The following ALK variants were observed in gnomAD, a reference collection of about 807,000 sequenced individuals.
ALK encodes ALK tyrosine kinase receptor.
A neutral mutation model predicts 163.1 loss-of-function variants in ALK; 74 were observed. The ratio of observed to expected loss-of-function variants is 0.45; its 90% CI spans 0.38 to 0.55. The LOEUF is 0.55. Among genes scored for constraint, ALK ranks in the 20% least tolerant of loss-of-function variants. ALK has a pLI of 0.00. For missense variants in ALK, 2,063 were observed against 2,105.3 expected (o/e 0.98, Z 0.39); for synonymous variants, 960 against 843.2 (o/e 1.14, Z -2.40).
rs554507874 is a variant in ALK, at chr2:29,793,303, C to T, written c.668-75606G>A. Among the ~76,000 whole-genome samples, 4 of 152,242 alleles carry T rather than the reference C, an allele frequency of 2.6e-5. No homozygotes were observed. In the South Asian group the frequency reaches 8.3e-4, roughly 32 times the overall value. ...CTAATTCTAGTTCTCTTGCTATTTC[C>T]ATCACATCTCCAATTGCTGCCTCCA... On this transcript the variant is annotated intron_variant, in intron 1 of 28. Coordinates refer to ENST00000389048, the MANE Select transcript of ALK (RefSeq NM_004304.5).
intron 5 of ALK, among the ~76,000 whole-genome samples, chr2:29,331,019 T>G (rs967437765): frequency 6.6e-6 from 1 of 152,128 alleles, no homozygotes; most frequent in Non-Finnish European, 1.5e-5. Context: ...GAATGAACAC[T>G]CCATCGAAAC....
At chr2:29,527,686 T>C (rs965087116) in intron 4 of ALK, among the ~76,000 whole-genome samples, 2 of 151,896 alleles carry the variant, frequency 1.3e-5, no homozygotes, top group Non-Finnish European at 2.9e-5. Context: ...TAAAAATATA[T>C]TTTTTTTGTA....
chr2:29,825,771 A>T (rs1325893096), intron 1 of ALK, among the ~76,000 whole-genome samples: 1 of 152,164 alleles, frequency 6.6e-6, no homozygotes, highest in African/African-American at 2.4e-5. Flanking sequence ...AAAAGAAACA[A>T]AGAGGCCAGT....
intron 5 of ALK, among the ~76,000 whole-genome samples, chr2:29,371,927 G>T (rs1336444803): frequency 6.6e-6 from 1 of 152,218 alleles, no homozygotes; most frequent in Non-Finnish European, 1.5e-5. Flanking sequence ...GCAAAGAAGA[G>T]TAAAGCCACC....
intron 3 of ALK, among the ~76,000 whole-genome samples, chr2:29,605,149 AC>A (rs1675505382): frequency 6.6e-6 from 1 of 152,104 alleles, no homozygotes; most frequent in African/African-American, 2.4e-5. Flanking sequence ...TTTTCCACGG[AC>A]AGGGGGGTGG....
intron 4 of ALK, among the ~76,000 whole-genome samples, chr2:29,512,941 A>G (rs889268391): frequency 4.6e-5 from 7 of 150,998 alleles, no homozygotes; most frequent in African/African-American, 1.7e-4. Flanking sequence ...CCACCTTACA[A>G]GGGACGTGAA....
chr2:29,709,802 A>G (rs990050069), intron 2 of ALK, among the ~76,000 whole-genome samples: 50 of 152,202 alleles, frequency 3.3e-4, no homozygotes, highest in African/African-American at 1.2e-3. Flanking sequence ...TGTCTGCTAA[A>G]AATGAGCAAA....
intron 4 of ALK, among the ~76,000 whole-genome samples, chr2:29,527,652 C>A (rs1355120305): frequency 6.6e-6 from 1 of 152,130 alleles, no homozygotes; most frequent in Non-Finnish European, 1.5e-5. Context: ...GGATTACAGG[C>A]ATGTACCACC....
rs1041520762 is a variant in ALK at position 29,452,468 on chromosome 2, T to C, written c.1155-68609A>G. On this transcript the variant is annotated intron_variant, in intron 4 of 28. Coordinates refer to ENST00000389048, the MANE Select transcript of ALK (RefSeq NM_004304.5). ...CTCTTACACTTTCTTTATAACGCTT[T>C]CATTAAAGTCATCTCATTTATTTCG... Among the ~76,000 whole-genome samples, 7 of 152,168 alleles carry C rather than the reference T, an allele frequency of 4.6e-5. 1 individual carries two copies. The South Asian group carries it at 1.4e-3, about 31-fold the overall frequency.
At chr2:29,379,584 C>T (rs1177840881) in intron 5 of ALK, among the ~76,000 whole-genome samples, 1 of 152,274 alleles carries the variant, frequency 6.6e-6, no homozygotes, top group Non-Finnish European at 1.5e-5. Flanking sequence ...TCTGTGGCTG[C>T]AAATGACATT....
chr2:29,749,887 A>G (rs1680307827), intron 1 of ALK, among the ~76,000 whole-genome samples: 1 of 152,176 alleles, frequency 6.6e-6, no homozygotes, highest in East Asian at 1.9e-4. Context: ...TTCTACCTGG[A>G]CCTATGGTAA....
chr2:29,797,000 C>CCA (rs34846199), intron 1 of ALK, among the ~76,000 whole-genome samples: 31,269 of 144,490 alleles, frequency 0.22, 3,339 homozygotes, highest in East Asian at 0.39. Flanking sequence ...GCACGCACAC[C>CCA]CACACACACA....
At chr2:29,383,118 C>T (rs767672036) in intron 5 of ALK, among the ~76,000 whole-genome samples, 7 of 152,036 alleles carry the variant, frequency 4.6e-5, no homozygotes, top group Non-Finnish European at 7.4e-5. Context: ...TCTGGGTCCA[C>T]GCTTCATTCT....
chr2:29,396,835 G>GTTTTTTT (rs1669318044), intron 4 of ALK, among the ~76,000 whole-genome samples: 1 of 35,722 alleles, frequency 2.8e-5, no homozygotes, highest in African/African-American at 1.2e-4. Context: ...TTGTTACTAT[G>GTTTTTTT]GTTTTTTTTT....
chr2:29,800,515 G>A (rs1049055588), intron 1 of ALK, among the ~76,000 whole-genome samples: 1 of 152,182 alleles, frequency 6.6e-6, no homozygotes, highest in African/African-American at 2.4e-5. Context: ...GGCAGAAGTG[G>A]CTGGTCAACA....
intron 3 of ALK, among the ~76,000 whole-genome samples, chr2:29,678,948 G>A (rs570386884): frequency 3.3e-5 from 5 of 151,796 alleles, no homozygotes; most frequent in South Asian, 2.1e-4. Flanking sequence ...TTATCCAGTT[G>A]TTCTACTTTT....
At chr2:29,839,633 C>T (rs1355908195) in intron 1 of ALK, among the ~76,000 whole-genome samples, 1 of 152,172 alleles carries the variant, frequency 6.6e-6, no homozygotes, top group African/African-American at 2.4e-5. Flanking sequence ...CACATTCTCT[C>T]TTGCTTCCCT....
chr2:29,616,652 T>C (rs1167473189), intron 3 of ALK, among the ~76,000 whole-genome samples: 1 of 152,136 alleles, frequency 6.6e-6, no homozygotes, highest in African/African-American at 2.4e-5. Flanking sequence ...TCCTAAACTT[T>C]CTAACAGTAG....
intron 4 of ALK, among the ~76,000 whole-genome samples, chr2:29,465,235 T>C (rs948356321): frequency 4.6e-5 from 7 of 152,182 alleles, no homozygotes; most frequent in African/African-American, 9.7e-5. Context: ...AGCAGACTCA[T>C]TGTCAGAAGT....
Sources: allele counts gnomAD v4.1 joint callset (sites outside exome capture counted in the v4.1 genomes callset), GRCh38; gene constraint gnomAD v4.1.1; transcripts MANE v1.5; gene names NCBI Gene and HGNC (gene_info 2026-07-23, HGNC 2026-07-21).